PRKN: variants seen among roughly 807,000 people sequenced by gnomAD.
The protein encoded by PRKN is E3 ubiquitin-protein ligase parkin.
Under a neutral mutation model 59.5 loss-of-function variants are expected in PRKN, and 56 were observed. That is an observed-to-expected ratio of 0.94 (90% CI 0.76 to 1.18). PRKN has a LOEUF of 1.18. Among genes scored for constraint, PRKN ranks in the 50% most tolerant of loss-of-function variants. The probability of loss-of-function intolerance (pLI) is 0.00; values close to 1 mark genes in which losing one functional copy is unlikely to be tolerated. For missense variants in PRKN, 657 were observed against 596.4 expected, an observed-to-expected ratio of 1.10 and a Z score of -1.06; for synonymous variants, 250 against 222.1, an observed-to-expected ratio of 1.13 and a Z score of -1.12.
At chr6:161,681,004 A>C (rs767591617) in intron 7 of PRKN, among the ~76,000 whole-genome samples, 5 of 152,134 alleles carry the variant, frequency 3.3e-5, no homozygotes, top group Admixed American at 6.5e-5. Context: ...TCTGTTGCCC[A>C]GGCTAGAGTG....
At chr6:162,142,529 T>C (rs1227689084) in intron 4 of PRKN, among the ~76,000 whole-genome samples, 2 of 152,224 alleles carry the variant, frequency 1.3e-5, no homozygotes, top group Admixed American at 1.3e-4. Context: ...GTAAGCGCTA[T>C]GTGTCTCCTA....
chr6:162,456,474 A>G (rs188467705), intron 1 of PRKN, among the ~76,000 whole-genome samples: 131 of 152,284 alleles, frequency 8.6e-4, no homozygotes, highest in Non-Finnish European at 1.2e-3. Flanking sequence ...ATGGTACAAG[A>G]GAATTTAAAA....
At chr6:162,565,741 T>TAC (rs1297211093) in intron 1 of PRKN, among the ~76,000 whole-genome samples, 2 of 137,328 alleles carry the variant, frequency 1.5e-5, no homozygotes, top group Admixed American at 7.5e-5. Flanking sequence ...TACATACATA[T>TAC]AATGAATGTA....
At chr6:162,200,035 C>T (rs750990019) in intron 4 of PRKN, among the ~76,000 whole-genome samples, 9 of 152,180 alleles carry the variant, frequency 5.9e-5, no homozygotes, top group Non-Finnish European at 1.2e-4. Flanking sequence ...GCGTTTGACA[C>T]ATCACCCTGG....
In PRKN at chr6:162,377,142, C is replaced by A. The variant is rs566049300; in HGVS notation, c.171+66168G>T. Among the ~76,000 whole-genome samples the A allele has an allele frequency of 5.3e-5, 8 of 152,274 alleles. 1 individual carries two copies. The South Asian group carries it at 1.7e-3, about 32-fold the overall frequency. The stretch of plus-strand genomic sequence containing the variant: ...TTTGTTTCTTACTCATTTCCCTGTG[C>A]ATCCATACAGTTAGCCAATACCCTC... On this transcript the variant is annotated intron_variant, in intron 2 of 11. Transcript: ENST00000366898.
chr6:161,797,648 A>C (rs188194235), intron 6 of PRKN, among the ~76,000 whole-genome samples: 7 of 152,366 alleles, frequency 4.6e-5, no homozygotes, highest in African/African-American at 1.7e-4. Flanking sequence ...AGTCTGCCGA[A>C]AAGATTGTAG....
chr6:161,612,119 G>C (rs1782510332), intron 7 of PRKN, among the ~76,000 whole-genome samples: 1 of 152,224 alleles, frequency 6.6e-6, no homozygotes, highest in African/African-American at 2.4e-5. Flanking sequence ...GGCTCATGAA[G>C]CTTAAGGAAA....
Position 161,475,238 on chromosome 6 carries a change from T to C in PRKN, c.1083+73616A>G, listed in dbSNP as rs1330355984. On this transcript the variant is annotated intron_variant, in intron 9 of 11. Coordinates refer to ENST00000366898, the MANE Select transcript of PRKN (RefSeq NM_004562.3). This position sits in a 1 kb window ranked among gnomAD's most constrained non-coding sequence, Gnocchi z 5.3. ...ATTGCATGTGATCGCTGCTGTCCTA[T>C]CAACTGGTGTGATGGAGCTGCCAAC... Among the ~76,000 whole-genome samples, 2 of 152,162 alleles carry C rather than the reference T, an allele frequency of 1.3e-5. No homozygotes were observed. The highest frequency in any genetic ancestry group is 2.9e-5 in the Non-Finnish European group (2 of 68,028).
intron 1 of PRKN, among the ~76,000 whole-genome samples, chr6:162,504,929 C>T (rs114172887): frequency 0.018 from 2,730 of 152,212 alleles, 35 homozygotes; most frequent in Non-Finnish European, 0.026. Context: ...AACCACTGGC[C>T]GTAAGGAAGA....
intron 9 of PRKN, among the ~76,000 whole-genome samples, chr6:161,398,931 T>C (rs1474015458): frequency 2.6e-5 from 4 of 152,156 alleles, no homozygotes; most frequent in African/African-American, 9.7e-5. Flanking sequence ...TGGAAACCCA[T>C]GGCCCTAAAT....
At chr6:161,516,789 T>TGCACTCCA (rs2115347403) in intron 9 of PRKN, among the ~76,000 whole-genome samples, 1 of 121,622 alleles carries the variant, frequency 8.2e-6, no homozygotes, top group Non-Finnish European at 1.6e-5. Flanking sequence ...ATCGCACCAC[T>TGCACTCCA]GCACTCCAGC....
chr6:161,681,714 C>T (rs1489321102), intron 7 of PRKN, among the ~76,000 whole-genome samples: 1 of 152,200 alleles, frequency 6.6e-6, no homozygotes, highest in Non-Finnish European at 1.5e-5. Context: ...GACCCTGTGT[C>T]AGACAGTGCA....
Position 161,670,740 on chromosome 6 carries a change from C to T in PRKN, c.872-101324G>A, listed in dbSNP as rs148058050. 4.4e-3 allele frequency among the ~76,000 whole-genome samples: 668 copies of T among 152,158 alleles called. 4 individuals are homozygous for T. Among genetic ancestry groups the T allele is most frequent in the African/African-American group, 0.015 (638 of 41,532 alleles). Reference sequence around the variant, plus strand: ...CTGAGGCAGGAGAATGGCATGAACCCGGGAGGCAGAGCTTGCAGTGAGCTG... The same window carrying T: ...CTGAGGCAGGAGAATGGCATGAACCTGGGAGGCAGAGCTTGCAGTGAGCTG... On this transcript the variant is annotated intron_variant, in intron 7 of 11. Transcript: ENST00000366898.
intron 7 of PRKN, among the ~76,000 whole-genome samples, chr6:161,775,574 A>C (rs1445720790): frequency 6.6e-6 from 1 of 152,170 alleles, no homozygotes; most frequent in African/African-American, 2.4e-5. Flanking sequence ...AATTATGTTG[A>C]ATTTTTAATA....
intron 1 of PRKN, among the ~76,000 whole-genome samples, chr6:162,598,237 C>T (rs1781564811): frequency 1.3e-5 from 2 of 152,054 alleles, no homozygotes; most frequent in African/African-American, 4.8e-5. Context: ...TATATGGGCC[C>T]CTTCAGGAAA....
At chr6:161,756,278 C>G (rs978501813) in intron 7 of PRKN, among the ~76,000 whole-genome samples, 1 of 151,750 alleles carries the variant, frequency 6.6e-6, no homozygotes, top group Non-Finnish European at 1.5e-5. Flanking sequence ...CCTGTCTCTG[C>G]TACGAGTACA....
At position 161,446,798 on chromosome 6, in the gene PRKN, C is replaced by G. The variant is rs2115107501; in HGVS notation, c.1084-59921G>C. 6.6e-6 allele frequency among the ~76,000 whole-genome samples: 1 copy of G among 152,306 alleles called. No homozygotes were observed. Among genetic ancestry groups the G allele is most frequent in the Admixed American group, 6.5e-5 (1 of 15,294 alleles). ...CACGTGGGAGGTGGCAACTGCAGAACAGACAGCTCTTTGGATTTCTTTAAA... is the reference window on the plus strand; with the variant it reads ...CACGTGGGAGGTGGCAACTGCAGAAGAGACAGCTCTTTGGATTTCTTTAAA... On this transcript the variant is annotated intron_variant, in intron 9 of 11. Coordinates refer to ENST00000366898, the MANE Select transcript of PRKN (RefSeq NM_004562.3). This position sits in a 1 kb window ranked among gnomAD's most constrained non-coding sequence, Gnocchi z 6.2.
At chr6:162,439,935 TA>T (rs1214181840) in intron 2 of PRKN, among the ~76,000 whole-genome samples, 1 of 152,090 alleles carries the variant, frequency 6.6e-6, no homozygotes, top group Non-Finnish European at 1.5e-5. Context: ...GAGATAAAAG[TA>T]TACATGAGTT....
At chr6:162,009,084 C>T (rs893756315) in intron 5 of PRKN, among the ~76,000 whole-genome samples, 1 of 151,856 alleles carries the variant, frequency 6.6e-6, no homozygotes, top group Non-Finnish European at 1.5e-5. Context: ...GAAACCCCGT[C>T]TTTACTAAAA....
Sources: allele counts gnomAD v4.1 joint callset (sites outside exome capture counted in the v4.1 genomes callset), GRCh38; gene constraint gnomAD v4.1.1; non-coding constraint Gnocchi (gnomAD v3.1); transcripts MANE v1.5; gene names NCBI Gene and HGNC (gene_info 2026-07-23, HGNC 2026-07-21).